MARCHF1: variants seen among roughly 807,000 people sequenced by gnomAD.
MARCHF1 encodes membrane associated ring-CH-type finger 1, also known as E3 ubiquitin-protein ligase MARCHF1.
In MARCHF1, 40 loss-of-function variants were observed where a neutral mutation model predicts 54.2. The observed-to-expected ratio is 0.74, with a 90% CI of 0.57 to 0.96. The LOEUF (loss-of-function observed/expected upper bound fraction) is 0.96, where lower values mean the gene tolerates loss of function less well. Among genes scored for constraint, MARCHF1 ranks in the 40% least tolerant of loss-of-function variants. The pLI, the probability that MARCHF1 is intolerant of heterozygous loss-of-function variation, is 0.00. For missense variants in MARCHF1, 586 were observed against 656.5 expected (o/e 0.89, Z 1.17); for synonymous variants, 236 against 236.3 (o/e 1.00, Z 0.01).
At chr4:164,298,413 G>A (rs35636157) in intron 1 of MARCHF1, among the ~76,000 whole-genome samples, 8,796 of 151,752 alleles carry the variant, frequency 0.058, 350 homozygotes, top group African/African-American at 0.11. Context: ...TTTCCGTAAC[G>A]GGTACCTTCT....
At chr4:163,656,233 G>A (rs1743136080) in intron 5 of MARCHF1, among the ~76,000 whole-genome samples, 1 of 151,642 alleles carries the variant, frequency 6.6e-6, no homozygotes, top group Non-Finnish European at 1.5e-5. Context: ...TATCACCACT[G>A]ATACCACAGA....
rs546184581 is a variant in MARCHF1 at position 164,314,623 on chromosome 4, A to G, written c.-323+69247T>C. Among the ~76,000 whole-genome samples the G allele has an allele frequency of 6.6e-5, 10 of 152,350 alleles. No homozygotes were observed. The East Asian group carries it at 1.9e-3, about 29-fold the overall frequency. On this transcript the variant is annotated intron_variant, in intron 1 of 9. Transcript: ENST00000514618. Reference sequence around the variant, plus strand: ...CAAAACCAAAATAAAATACTCAGATATGTTAGAAAATTTACCATATCCTGG... The same window carrying G: ...CAAAACCAAAATAAAATACTCAGATGTGTTAGAAAATTTACCATATCCTGG...
Position 164,199,871 on chromosome 4 carries a change from A to T in MARCHF1, c.-322-88209T>A, listed in dbSNP as rs570027604. Among the ~76,000 whole-genome samples the T allele has an allele frequency of 1.8e-4, 27 of 152,174 alleles. 1 individual carries two copies. Among genetic ancestry groups the T allele is most frequent in the African/African-American group, 6.5e-4 (27 of 41,508 alleles). On this transcript the variant is annotated intron_variant, in intron 1 of 9. Coordinates refer to ENST00000514618, the MANE Select transcript of MARCHF1 (RefSeq NM_001394959.1). ...GGGCTCTGTGCCCTTGAACCTGCAT[A>T]TGTCTTCAGTCTTTGCTCCCATGGC...
chr4:163,748,070 G>T (rs917842150), intron 4 of MARCHF1, among the ~76,000 whole-genome samples: 2 of 152,168 alleles, frequency 1.3e-5, no homozygotes, highest in African/African-American at 2.4e-5. Flanking sequence ...ATGGTCAAAG[G>T]TCATTTCCTG....
In MARCHF1 at chr4:163,923,848, T is replaced by C. The variant is rs1030410437; in HGVS notation, c.-39+64653A>G. Among the ~76,000 whole-genome samples the C allele has an allele frequency of 7.2e-5, 11 of 151,828 alleles. 3 individuals carry two copies. On this transcript the variant is annotated intron_variant, in intron 3 of 9. Transcript: ENST00000514618. ...AATGCAGACATAAATACTGTCAACA[T>C]CTAGGAAGTTACTTTTCAGTCATTT...
intron 3 of MARCHF1, among the ~76,000 whole-genome samples, chr4:163,878,300 G>A (rs1750338108): frequency 6.6e-6 from 1 of 152,152 alleles, no homozygotes; most frequent in Admixed American, 6.5e-5. Context: ...ATGATAAAAA[G>A]GATATTTGCT....
intron 9 of MARCHF1, among the ~76,000 whole-genome samples, chr4:163,543,338 T>A (rs879743524): frequency 6.7e-6 from 1 of 149,334 alleles, no homozygotes; most frequent in Admixed American, 6.7e-5. Context: ...CGAGACAGAG[T>A]GAATAGGATT....
rs572983565 is a variant in MARCHF1 at position 163,989,716 on chromosome 4, G to A, written c.-247-1007C>T. On this transcript the variant is annotated intron_variant, in intron 2 of 9. Coordinates refer to ENST00000514618, the MANE Select transcript of MARCHF1 (RefSeq NM_001394959.1). ...TTAACTTTGTAAAAATAACTTTCCC[G>A]CATGATTATTCCCTCTTTTTCAGGG... 3.3e-5 allele frequency among the ~76,000 whole-genome samples: 5 copies of A among 152,094 alleles called. 1 individual carries two copies. The South Asian group carries it at 6.2e-4, about 19-fold the overall frequency.
At chr4:163,997,981 T>C (rs941010647) in intron 2 of MARCHF1, among the ~76,000 whole-genome samples, 1 of 150,108 alleles carries the variant, frequency 6.7e-6, no homozygotes, top group Non-Finnish European at 1.5e-5. Flanking sequence ...GCAAAATGTC[T>C]AAAAAAAGAT....
At chr4:163,960,020 GATAAT>G (rs1752315526) in intron 3 of MARCHF1, among the ~76,000 whole-genome samples, 1 of 151,956 alleles carries the variant, frequency 6.6e-6, no homozygotes, top group Non-Finnish European at 1.5e-5. Context: ...CTTTTCAAAA[GATAAT>G]ATACATGCGG....
chr4:164,083,206 A>T (rs1755133687), intron 2 of MARCHF1, among the ~76,000 whole-genome samples: 1 of 152,114 alleles, frequency 6.6e-6, no homozygotes, highest in Admixed American at 6.5e-5. Context: ...AGAGGTGAGA[A>T]ATTTTTGGCT....
intron 8 of MARCHF1, among the ~76,000 whole-genome samples, chr4:163,545,987 T>TA (rs1311465831): frequency 8.2e-4 from 121 of 148,300 alleles, no homozygotes; most frequent in Non-Finnish European, 1.4e-3. Context: ...GTGTGTGTAT[T>TA]TTTTTGAGAC....
At chr4:163,813,956 C>T (rs1560767597) in intron 4 of MARCHF1, among the ~76,000 whole-genome samples, 1 of 152,120 alleles carries the variant, frequency 6.6e-6, no homozygotes, top group East Asian at 1.9e-4. Flanking sequence ...AAATCTAAGC[C>T]CAGGGCATAA....
At chr4:163,536,606 T>C (rs906352370) in intron 9 of MARCHF1, among the ~76,000 whole-genome samples, 1 of 152,134 alleles carries the variant, frequency 6.6e-6, no homozygotes, top group Non-Finnish European at 1.5e-5. Context: ...AGTAGGTATT[T>C]CAAGGATAAA....
intron 4 of MARCHF1, among the ~76,000 whole-genome samples, chr4:163,778,675 A>C (rs1747374439): frequency 1.3e-5 from 2 of 152,208 alleles, no homozygotes; most frequent in Admixed American, 1.3e-4. Flanking sequence ...AGCCATTAAA[A>C]ATAAAATCAT....
chr4:164,312,376 G>A (rs1449781102), intron 1 of MARCHF1, among the ~76,000 whole-genome samples: 2 of 147,310 alleles, frequency 1.4e-5, no homozygotes, highest in African/African-American at 2.5e-5. Flanking sequence ...AGGCTGGAGG[G>A]CAGTGGCGCA....
chr4:163,724,298 G>A (rs1434093367), intron 4 of MARCHF1, among the ~76,000 whole-genome samples: 2 of 152,208 alleles, frequency 1.3e-5, no homozygotes, highest in East Asian at 3.8e-4. Flanking sequence ...GTTTGCCTGG[G>A]TATAAGCAGC....
At chr4:164,350,698 G>C (rs1304910360) in intron 1 of MARCHF1, among the ~76,000 whole-genome samples, 1 of 152,204 alleles carries the variant, frequency 6.6e-6, no homozygotes, top group East Asian at 1.9e-4. Flanking sequence ...CCAAAGCATA[G>C]TACAATGTTA....
chr4:164,036,328 AC>A (rs1447518332), intron 2 of MARCHF1, among the ~76,000 whole-genome samples: 5 of 152,072 alleles, frequency 3.3e-5, no homozygotes, highest in Non-Finnish European at 5.9e-5. Context: ...TTTCTATACT[AC>A]AATTGGAGAT....
Sources: gnomAD v4.1 joint callset for allele counts (sites outside exome capture counted in the v4.1 genomes callset) on GRCh38, gnomAD v4.1.1 for gene constraint, MANE v1.5 for transcripts, NCBI Gene and HGNC (gene_info 2026-07-23, HGNC 2026-07-21) for gene names.